Variants in EDARADD observed in about 807,000 individuals in gnomAD.
EDARADD encodes EDAR associated via death domain, also known as ectodysplasin-A receptor-associated adapter protein.
EDARADD carries 20 observed loss-of-function variants against 25.6 expected under a neutral mutation model. That is an observed-to-expected ratio of 0.78 (90% CI 0.55 to 1.14). The LOEUF (loss-of-function observed/expected upper bound fraction) is 1.14, where lower values mean the gene tolerates loss of function less well. Among genes scored for constraint, EDARADD ranks in the 50% most tolerant of loss-of-function variants. The pLI is 0.00. For missense variants in EDARADD, 225 were observed against 270.1 expected (o/e 0.83, Z 1.17); for synonymous variants, 86 against 94.4 (o/e 0.91, Z 0.52).
chr1:236,416,421 C>G (rs1299118887), intron 3 of EDARADD, among the ~76,000 whole-genome samples: 1 of 152,148 alleles, frequency 6.6e-6, no homozygotes, highest in African/African-American at 2.4e-5. Flanking sequence ...CCATCAGGCT[C>G]AATATCTTTT....
intron 3 of EDARADD, among the ~76,000 whole-genome samples, chr1:236,368,399 A>C (rs1667135631): frequency 6.6e-6 from 1 of 150,688 alleles, no homozygotes. Context: ...TCTTGTCTTC[A>C]TAATCTTTGT....
intron 3 of EDARADD, among the ~76,000 whole-genome samples, chr1:236,359,060 T>A (rs1365164498): frequency 1.3e-5 from 2 of 152,232 alleles, no homozygotes; most frequent in African/African-American, 4.8e-5. Flanking sequence ...TGCTCCTGTA[T>A]GAATTAGTAG....
intron 4 of EDARADD, among the ~76,000 whole-genome samples, chr1:236,452,903 G>A (rs961019294): frequency 2.6e-5 from 4 of 152,144 alleles, no homozygotes; most frequent in South Asian, 2.1e-4. Flanking sequence ...GTATAGCTAC[G>A]TAAGGGTTTC....
intron 3 of EDARADD, among the ~76,000 whole-genome samples, chr1:236,363,731 A>G (rs1667080916): frequency 6.6e-6 from 1 of 152,092 alleles, no homozygotes; most frequent in Non-Finnish European, 1.5e-5. Context: ...TCCACTTTAA[A>G]AAGGAGTAGA....
Position 236,366,741 on chromosome 1 carries a change from C to CTCTTTT in EDARADD, c.-6+15903_-6+15904insCTTTTT, listed in dbSNP as rs146073425. Among the ~76,000 whole-genome samples, 3 of 144,212 alleles carry CTCTTTT rather than the reference C, an allele frequency of 2.1e-5. 1 individual carries two copies. The highest frequency in any genetic ancestry group is 3.0e-5 in the Non-Finnish European group (2 of 65,752). The allele number at this position is 144,212 out of a possible 152,430, so 94.6% of individuals were successfully genotyped here. On this transcript the variant is annotated intron_variant, in intron 3 of 7. Transcript: ENST00000439430. The stretch of plus-strand genomic sequence containing the variant: ...CCTGGGTCAGAGAGCTCATCTCTCT[C>CTCTTTT]TTTTTTTTGTCTCTCAGGGATCATT...
intron 4 of EDARADD, among the ~76,000 whole-genome samples, chr1:236,429,959 G>A (rs1400571173): frequency 6.6e-6 from 1 of 152,162 alleles, no homozygotes; most frequent in Non-Finnish European, 1.5e-5. Flanking sequence ...ATAACATCAA[G>A]TTAATTTGTA....
At chr1:236,369,832 T>A (rs1667155383) in intron 3 of EDARADD, among the ~76,000 whole-genome samples, 1 of 150,008 alleles carries the variant, frequency 6.7e-6, no homozygotes, top group African/African-American at 2.5e-5. Context: ...AGCGAAACTC[T>A]GTCTCAATAA....
chr1:236,400,471 T>C (rs958177332), intron 1 of EDARADD, among the ~76,000 whole-genome samples: 2 of 152,066 alleles, frequency 1.3e-5, no homozygotes, highest in Non-Finnish European at 2.9e-5. Context: ...CAGAGGAAGC[T>C]CAATGAAACA....
At chr1:236,482,071 T>C (rs1278065665) in intron 5 of EDARADD, among the ~76,000 whole-genome samples, 196 bp from the exon 6 acceptor site, 1 of 142,696 alleles carries the variant, frequency 7.0e-6, no homozygotes. Context: ...GCCGAGATAG[T>C]GCCACTGCAC....
rs767396468 is a variant in EDARADD, at chr1:236,455,871, C to G, written c.220-12360C>G. ...GTTGCGCGATCTTTGCTCACTGCAA[C>G]CTCTGCCTCCCGGGTTCACGCCATT... On this transcript the variant is annotated intron_variant, in intron 4 of 5. Transcript: ENST00000334232. Among the ~76,000 whole-genome samples, 43 of 151,752 alleles carry G rather than the reference C, an allele frequency of 2.8e-4. 1 individual carries two copies. Among genetic ancestry groups the G allele is most frequent in the African/African-American group, 8.5e-4 (35 of 41,280 alleles).
rs1667492864 is a variant in EDARADD, at chr1:236,395,280, C to T, written c.61+775C>T. The T allele has an allele frequency of 2.9e-6, 3 of 1,052,508 alleles. No individual in the cohort carries two copies. Among genetic ancestry groups the T allele is most frequent in the Non-Finnish European group, 3.6e-6 (3 of 831,892 alleles). 65.2% of individuals were successfully genotyped at this position (1,052,508 alleles called of 1,614,324 possible). A position where few individuals can be genotyped will look rare whatever the true frequency, so the allele number is the denominator to read the frequency against. ...GGGGACGTGGGTACCGGGCAGGACG[C>T]GCGCTCTGGGCGCTGGGGACGCCCG... is the stretch of plus-strand genomic sequence containing the variant. On this transcript the variant is annotated intron_variant, in intron 1 of 5. Coordinates refer to ENST00000334232, the MANE Select transcript of EDARADD (RefSeq NM_145861.4). The surrounding 1 kb of genome is among the most constrained non-coding windows in gnomAD (Gnocchi z 6.9).
At position 236,483,566 on chromosome 1, in the gene EDARADD, C is replaced by T. The variant is rs1571964726; in HGVS notation, c.*917C>T. The T allele has an allele frequency of 2.0e-5, 26 of 1,306,726 alleles. No individual in the cohort carries two copies. The highest frequency in any genetic ancestry group is 7.8e-6 in the Non-Finnish European group (7 of 902,420). The allele number at this position is 1,306,726 out of a possible 1,614,324, so 80.9% of individuals were successfully genotyped here. ...AGGGGGTTCCCCTGTACCACCACAT[C>T]GCCGACTTGTCTGGCAACTCCAAAG... On this transcript the variant is annotated 3_prime_UTR_variant, in exon 6 of 6. Transcript: ENST00000334232.
intron 1 of EDARADD, among the ~76,000 whole-genome samples, chr1:236,401,133 C>G (rs999426060): frequency 1.3e-5 from 2 of 151,762 alleles, no homozygotes; most frequent in Non-Finnish European, 2.9e-5. Context: ...TTGCAGTGAG[C>G]TGAGATCACA....
intron 1 of EDARADD, 140 bp downstream of exon 1, chr1:236,394,645 T>G: frequency 1.5e-6 from 1 of 665,254 alleles, no homozygotes; most frequent in South Asian, 2.7e-5. Context: ...ATCTTTCTGT[T>G]CTTATGTGTG....
intron 3 of EDARADD, among the ~76,000 whole-genome samples, chr1:236,367,196 C>T (rs1158581807): frequency 6.6e-6 from 1 of 150,560 alleles, no homozygotes; most frequent in Admixed American, 6.6e-5. Flanking sequence ...GTTATCTCAT[C>T]TTGGCTTGAA....
At chr1:236,364,986 T>C (rs549411425) in intron 3 of EDARADD, among the ~76,000 whole-genome samples, 54 of 152,282 alleles carry the variant, frequency 3.5e-4, no homozygotes, top group African/African-American at 1.3e-3. Flanking sequence ...AATATTCATT[T>C]TTCACCACTG....
At chr1:236,480,998 A>G (rs1487609229) in intron 5 of EDARADD, among the ~76,000 whole-genome samples, 1 of 152,176 alleles carries the variant, frequency 6.6e-6, no homozygotes. Flanking sequence ...TGTTGGCGCC[A>G]CTTCAAAGGG....
At chr1:236,396,054 C>T (rs184585989) in intron 1 of EDARADD, among the ~76,000 whole-genome samples, 2 of 152,162 alleles carry the variant, frequency 1.3e-5, no homozygotes, top group Admixed American at 1.3e-4. Context: ...TCTTTCTCCC[C>T]GCTCACATGC....
chr1:236,468,389 C>T (rs913863221), intron 5 of EDARADD, 113 bp downstream of exon 5: 29 of 1,121,168 alleles, frequency 2.6e-5, no homozygotes, highest in Non-Finnish European at 3.6e-5. Context: ...TTTGGGAGGC[C>T]AAGGTGGGCG....
Sources: gnomAD v4.1 joint callset for allele counts (sites outside exome capture counted in the v4.1 genomes callset) on GRCh38, gnomAD v4.1.1 for gene constraint, Gnocchi (gnomAD v3.1) non-coding constraint, MANE v1.5 for transcripts, NCBI Gene and HGNC (gene_info 2026-07-23, HGNC 2026-07-21) for gene names.